The following COTL1 variants were observed in gnomAD, a reference collection of about 807,000 sequenced individuals.
The protein encoded by COTL1 is coactosin like F-actin binding protein 1.
In COTL1, 15 loss-of-function variants were observed where a neutral mutation model predicts 16.5. The ratio of observed to expected loss-of-function variants is 0.91; its 90% CI spans 0.61 to 1.40. COTL1 has a LOEUF of 1.40. Among genes scored for constraint, COTL1 ranks in the 40% most tolerant of loss-of-function variants. The probability of loss-of-function intolerance (pLI) is 0.00; values close to 1 mark genes in which losing one functional copy is unlikely to be tolerated. For synonymous variants in COTL1, 112 were observed against 85.3 expected (o/e 1.31, Z -1.73); for missense variants, 220 against 201.5 (o/e 1.09, Z -0.56).
At chr16:84,580,473 A>T (rs1342381135) in intron 3 of COTL1, among the ~76,000 whole-genome samples, 1 of 151,918 alleles carries the variant, frequency 6.6e-6, no homozygotes, top group Non-Finnish European at 1.5e-5. Context: ...CTGGTCTGGA[A>T]CTCCTGGGCT....
In COTL1 at chr16:84,597,119, C is replaced by A. The variant is rs145688030; in HGVS notation, c.161-6857G>T. On this transcript the variant is annotated intron_variant, in intron 2 of 3. Transcript: ENST00000262428. ...CCAGCTGTAGAATGGGGACCACTTTCTGCATCCAGCTCTGGGTTTCAGAGT... is the reference window on the plus strand; with the variant it reads ...CCAGCTGTAGAATGGGGACCACTTTATGCATCCAGCTCTGGGTTTCAGAGT... Among the ~76,000 whole-genome samples, 7 of 152,324 alleles carry A rather than the reference C, an allele frequency of 4.6e-5. No homozygotes were observed. In the South Asian group the frequency reaches 8.3e-4, roughly 18 times the overall value.
chr16:84,591,233 A>G (rs1904853432), intron 2 of COTL1, among the ~76,000 whole-genome samples: 3 of 148,506 alleles, frequency 2.0e-5, no homozygotes, highest in Non-Finnish European at 3.0e-5. Context: ...GCCCAGGCTG[A>G]AGTGCAGTGG....
chr16:84,608,539 A>C (rs1905257466), intron 2 of COTL1, among the ~76,000 whole-genome samples: 1 of 152,260 alleles, frequency 6.6e-6, no homozygotes, highest in Admixed American at 6.5e-5. Context: ...TGGGCAAAGA[A>C]GGCAATGGGA....
chr16:84,569,650 T>C (rs1331507229), intron 3 of COTL1, among the ~76,000 whole-genome samples: 1 of 152,202 alleles, frequency 6.6e-6, no homozygotes, highest in Admixed American at 6.5e-5. Context: ...TTGGAGAGAT[T>C]TGCCCAGAAT....
chr16:84,578,551 G>A (rs904122624), intron 3 of COTL1, among the ~76,000 whole-genome samples: 2 of 152,070 alleles, frequency 1.3e-5, no homozygotes, highest in Non-Finnish European at 2.9e-5. Context: ...TCCACGCCAG[G>A]GAACTCACCA....
intron 2 of COTL1, among the ~76,000 whole-genome samples, chr16:84,603,355 G>C (rs572790074): frequency 6.6e-6 from 1 of 152,132 alleles, no homozygotes; most frequent in African/African-American, 2.4e-5. Flanking sequence ...GTGTGACTCA[G>C]CCAGGGCTCT....
chr16:84,590,144 T>G lies in COTL1; in HGVS notation c.279A>C (p.Lys93Asn). 1 of 1,614,012 alleles carries G rather than the reference T, an allele frequency of 6.2e-7. No homozygotes were observed. The highest frequency in any genetic ancestry group is 8.5e-7 in the Non-Finnish European group (1 of 1,179,928). Residue 93 changes from lysine to asparagine, a missense_variant, in exon 3 of 4, where the codon AAA becomes AAC. Transcript: ENST00000262428. This position sits in a 1 kb window ranked among gnomAD's most constrained non-coding sequence, Gnocchi z 5.5. The part of the protein sequence containing the change: ...GENVSGLQRA[K>N]TGTDKTLVKE... Reference sequence around the variant, plus strand: ...TCACCAGGGTCTTGTCCGTCCCGGTTTTGGCGCGCTGCAGCCCGCTGACGT... The same window carrying G: ...TCACCAGGGTCTTGTCCGTCCCGGTGTTGGCGCGCTGCAGCCCGCTGACGT...
intron 3 of COTL1, among the ~76,000 whole-genome samples, chr16:84,581,759 C>T (rs111721710): frequency 0.2 from 30,132 of 152,026 alleles, 3,504 homozygotes; most frequent in Non-Finnish European, 0.27. Flanking sequence ...CCCGCCTTGG[C>T]CTCCCAAAGT....
At chr16:84,617,695 G>C (rs1905533429) in intron 1 of COTL1, 112 bp from the exon 2 acceptor site, 1 of 1,384,314 alleles carries the variant, frequency 7.2e-7, no homozygotes, top group Admixed American at 2.0e-5. Flanking sequence ...AGAAGCCCGC[G>C]GGGGCCTGGC....
intron 2 of COTL1, among the ~76,000 whole-genome samples, chr16:84,597,473 C>T (rs1222228584): frequency 2.0e-5 from 3 of 152,146 alleles, no homozygotes; most frequent in Admixed American, 2.0e-4. Context: ...CCAGCAGCAC[C>T]ACAGCACCCG....
intron 2 of COTL1, among the ~76,000 whole-genome samples, chr16:84,602,341 T>C (rs1905118934): frequency 6.6e-6 from 1 of 150,928 alleles, no homozygotes; most frequent in Admixed American, 6.6e-5. Context: ...CAGTGAACTA[T>C]GATCGCACCA....
chr16:84,600,139 G>T (rs1399786094), intron 2 of COTL1, among the ~76,000 whole-genome samples: 3 of 152,060 alleles, frequency 2.0e-5, no homozygotes, highest in Non-Finnish European at 4.4e-5. Context: ...TTTTTTCAGA[G>T]TGACTTTCGT....
At chr16:84,606,868 C>T (rs986268677) in intron 2 of COTL1, among the ~76,000 whole-genome samples, 3 of 152,190 alleles carry the variant, frequency 2.0e-5, no homozygotes, top group Non-Finnish European at 2.9e-5. Flanking sequence ...CTGTCCCAGG[C>T]GCCTACAGCC....
rs1012827226 is a variant in COTL1 at position 84,617,532 on chromosome 16, C to G, written c.129G>C (p.Ala43=). ...ACTGCTGGATGAAGTGCTGGTACTCCGCTCCCTGCTCGCCGGGGACGATGG... is the reference window on the plus strand; with the variant it reads ...ACTGCTGGATGAAGTGCTGGTACTCGGCTCCCTGCTCGCCGGGGACGATGG... ...GSTIVPGEQG[A]EYQHFIQQCT... Residue 43 remains alanine (A), a synonymous_variant, in exon 2 of 4, where the codon GCG becomes GCC. Transcript: ENST00000262428. 14 of 1,557,010 alleles carry G rather than the reference C, an allele frequency of 9.0e-6. No individual in the cohort carries two copies. Among genetic ancestry groups the G allele is most frequent in the African/African-American group, 1.4e-5 (1 of 73,422 alleles).
intron 3 of COTL1, among the ~76,000 whole-genome samples, chr16:84,588,178 C>T (rs1261253946): frequency 2.0e-5 from 3 of 151,834 alleles, no homozygotes; most frequent in African/African-American, 7.3e-5. Flanking sequence ...TCCAGGAATT[C>T]GAGGCCAGCC....
intron 3 of COTL1, among the ~76,000 whole-genome samples, chr16:84,579,858 T>C (rs1486023740): frequency 1.3e-5 from 2 of 152,214 alleles, no homozygotes; most frequent in African/African-American, 4.8e-5. Flanking sequence ...AGGGGCAAGA[T>C]GTAGAGTGCA....
intron 2 of COTL1, among the ~76,000 whole-genome samples, chr16:84,602,775 A>G (rs1905127015): frequency 6.6e-6 from 1 of 151,938 alleles, no homozygotes; most frequent in South Asian, 2.1e-4. Flanking sequence ...GAATTGCTTG[A>G]GTCCAGGAGG....
At chr16:84,616,395 C>G (rs1327238356) in intron 2 of COTL1, 1 of 152,150 alleles carries the variant, frequency 6.6e-6, no homozygotes, top group Non-Finnish European at 1.5e-5. Context: ...CCCAGCTACT[C>G]AGGAGGCTGA....
chr16:84,589,753 G>A lies in COTL1; in HGVS notation c.318+352C>T, dbSNP rs149510368. Among the ~76,000 whole-genome samples, 424 of 152,106 alleles carry A rather than the reference G, an allele frequency of 2.8e-3. 1 individual carries two copies. Among genetic ancestry groups the A allele is most frequent in the Non-Finnish European group, 2.9e-3 (197 of 67,990 alleles). ...CTCCCACGGGATCCTTGCGACCACC[G>A]CCGACAGTCAGCCAGGACACCACAG... On this transcript the variant is annotated intron_variant, in intron 3 of 3. Transcript: ENST00000262428.
Sources: allele counts gnomAD v4.1 joint callset (sites outside exome capture counted in the v4.1 genomes callset), GRCh38; gene constraint gnomAD v4.1.1; non-coding constraint Gnocchi (gnomAD v3.1); transcripts MANE v1.5; gene names NCBI Gene and HGNC (gene_info 2026-07-23, HGNC 2026-07-21).